MTAP: variants seen among roughly 807,000 people sequenced by gnomAD.
The protein encoded by MTAP is methylthioadenosine phosphorylase, also known as S-methyl-5'-thioadenosine phosphorylase.
MTAP carries 33 observed loss-of-function variants against 33.6 expected under a neutral mutation model. The observed-to-expected ratio is 0.98, with a 90% CI of 0.74 to 1.31. The LOEUF is 1.31. MTAP is among the 40% of genes most tolerant of loss of function. MTAP has a pLI of 0.00. For missense variants in MTAP, 367 were observed against 360.0 expected (o/e 1.02, Z -0.16); for synonymous variants, 148 against 125.7 (o/e 1.18, Z -1.19).
At chr9:21,816,520 T>A (rs1824479468) in intron 2 of MTAP, among the ~76,000 whole-genome samples, 194 bp from the exon 3 acceptor site, 1 of 152,208 alleles carries the variant, frequency 6.6e-6, no homozygotes, top group Non-Finnish European at 1.5e-5. Context: ...CCTTGAGTCC[T>A]GTGAATCTAT....
intron 1 of MTAP, among the ~76,000 whole-genome samples, chr9:21,901,724 A>G (rs960026132): frequency 2.0e-5 from 3 of 152,176 alleles, no homozygotes; most frequent in African/African-American, 4.8e-5. Context: ...CAAGGAGGAA[A>G]TGAGGTTATG....
intron 4 of MTAP, among the ~76,000 whole-genome samples, chr9:21,830,435 G>A (rs1253913848): frequency 2.6e-5 from 4 of 152,142 alleles, no homozygotes; most frequent in Non-Finnish European, 4.4e-5. Flanking sequence ...CTTTTAACTT[G>A]TACAAGGTCC....
chr9:21,829,661 C>T (rs1824919160), intron 4 of MTAP, among the ~76,000 whole-genome samples: 1 of 151,494 alleles, frequency 6.6e-6, no homozygotes, highest in Admixed American at 6.6e-5. Flanking sequence ...CTAAAGTGTT[C>T]TTCAAAGGCT....
intron 5 of MTAP, among the ~76,000 whole-genome samples, chr9:21,850,842 A>T (rs930672992): frequency 2.6e-5 from 4 of 152,190 alleles, no homozygotes; most frequent in African/African-American, 9.7e-5. Flanking sequence ...AATGGTATAT[A>T]TATGACTGGG....
chr9:21,815,656 C>T, intron 2 of MTAP, 137 bp downstream of exon 2: 3 of 667,800 alleles, frequency 4.5e-6, no homozygotes, highest in East Asian at 5.7e-5. Flanking sequence ...GCAGAGAGGG[C>T]CAGAAGTTCT....
chr9:21,818,317 CTTTTTTTTTTTTTTTTT>C (rs35709813), intron 4 of MTAP, 115 bp downstream of exon 4: 8 of 240,494 alleles, frequency 3.3e-5, no homozygotes, highest in South Asian at 1.6e-4. Context: ...GACTCGCTTG[CTTTTTTTTTTTTTTTTT>C]TTTTTTTTTT....
intron 1 of MTAP, among the ~76,000 whole-genome samples, chr9:21,875,298 G>T (rs1386231115): frequency 6.6e-6 from 1 of 152,136 alleles, no homozygotes; most frequent in Non-Finnish European, 1.5e-5. Flanking sequence ...TCTAACTGGT[G>T]TGAGATGGTA....
intron 1 of MTAP, among the ~76,000 whole-genome samples, chr9:21,919,557 T>A (rs1818752321): frequency 6.6e-6 from 1 of 152,156 alleles, no homozygotes; most frequent in South Asian, 2.1e-4. Flanking sequence ...TTAACCAGGG[T>A]TTTGGTTTTG....
Position 21,864,396 on chromosome 9 carries a change from T to A in MTAP, c.*2382T>A, listed in dbSNP as rs988072144. 4 of 985,132 alleles carry A rather than the reference T, an allele frequency of 4.1e-6. No homozygotes were observed. In the African/African-American group the frequency reaches 7.0e-5, roughly 17 times the overall value. The allele number at this position is 985,132 out of a possible 1,614,324, so 61.0% of individuals were successfully genotyped here. On this transcript the variant is annotated 3_prime_UTR_variant, in exon 8 of 8. Transcript: ENST00000644715. ...CTAGTATACTAAGTGAACACCATGG[T>A]CAGTTGTGAGCATTTTGGTTTCCGC... is the stretch of plus-strand genomic sequence containing the variant.
intron 5 of MTAP, among the ~76,000 whole-genome samples, chr9:21,842,033 A>T (rs111920273): frequency 3.3e-5 from 5 of 152,340 alleles, no homozygotes; most frequent in South Asian, 4.1e-4. Flanking sequence ...TTAAAAAACA[A>T]TACAGGATAT....
At chr9:21,832,110 T>C (rs1824982047) in intron 4 of MTAP, among the ~76,000 whole-genome samples, 1 of 152,206 alleles carries the variant, frequency 6.6e-6, no homozygotes. Flanking sequence ...TTCTTCAACT[T>C]ATTTTCTTGG....
intron 1 of MTAP, among the ~76,000 whole-genome samples, chr9:21,910,823 T>C (rs1413924388): frequency 6.6e-6 from 1 of 152,112 alleles, no homozygotes; most frequent in Non-Finnish European, 1.5e-5. Context: ...TCACCATATC[T>C]ATTAGCAACC....
chr9:21,834,695 G>A (rs569555860), intron 4 of MTAP, among the ~76,000 whole-genome samples: 1 of 152,144 alleles, frequency 6.6e-6, no homozygotes, highest in Non-Finnish European at 1.5e-5. Context: ...AAGACATGCC[G>A]CACACCTAGT....
At chr9:21,827,329 T>C (rs1824847695) in intron 4 of MTAP, among the ~76,000 whole-genome samples, 1 of 152,190 alleles carries the variant, frequency 6.6e-6, no homozygotes, top group South Asian at 2.1e-4. Context: ...CACAGCCTGC[T>C]CCTAGAGCTT....
chr9:21,859,017 A>G, intron 6 of MTAP: 2 of 237,858 alleles, frequency 8.4e-6, no homozygotes, highest in Non-Finnish European at 1.6e-5. Flanking sequence ...GTAGACAGCC[A>G]TCTTCTCACT....
chr9:21,829,058 C>T (rs562082130), intron 4 of MTAP, among the ~76,000 whole-genome samples: 1 of 152,200 alleles, frequency 6.6e-6, no homozygotes, highest in East Asian at 1.9e-4. Flanking sequence ...GTGGTTAATG[C>T]CCTCTATGTG....
rs1286617683 is a variant in MTAP at position 21,936,604 on chromosome 9, T to TA, written c.*5411dup. On this transcript the variant is annotated 3_prime_UTR_variant, in exon 8 of 8. Coordinates refer to the MTAP transcript ENST00000580900. ...AGGAACTAAATATATTTACATCTGT[T>TA]AAAAAACACTTTAAACTGTACTATG... is the stretch of plus-strand genomic sequence containing the variant. 2.6e-5 allele frequency: 4 copies of TA among 152,318 alleles called. No homozygotes were observed. The Middle Eastern group carries it at 0.01, about 389-fold the overall frequency. The allele number at this position is 152,318 out of a possible 1,614,324, so 9.4% of individuals were successfully genotyped here.
chr9:21,837,871 T>C, intron 4 of MTAP, 37 bp from the exon 5 acceptor site: 2 of 1,576,548 alleles, frequency 1.3e-6, no homozygotes, highest in Middle Eastern at 1.7e-4. Context: ...GGCCTTAAAA[T>C]AAAACAAACA....
At position 21,864,270 on chromosome 9, in the gene MTAP, T is replaced by G. The variant is rs1825812485; in HGVS notation, c.*2256T>G. On this transcript the variant is annotated 3_prime_UTR_variant, in exon 8 of 8. Transcript: ENST00000644715. ...ATTCACTCCTTATGCAAAGCCAATA[T>G]AATTTTCCTCATACCTTATGCTTGA... 8 of 985,328 alleles carry G rather than the reference T, an allele frequency of 8.1e-6. No individual in the cohort carries two copies. Among genetic ancestry groups the G allele is most frequent in the Non-Finnish European group, 8.4e-6 (7 of 829,934 alleles). The allele number at this position is 985,328 out of a possible 1,614,324, so 61.0% of individuals were successfully genotyped here.
Sources: allele counts gnomAD v4.1 joint callset (sites outside exome capture counted in the v4.1 genomes callset), GRCh38; gene constraint gnomAD v4.1.1; transcripts MANE v1.5; gene names NCBI Gene and HGNC (gene_info 2026-07-23, HGNC 2026-07-21).